The following HPD variants were observed in gnomAD, a reference collection of about 807,000 sequenced individuals.
HPD encodes the protein 4-hydroxyphenylpyruvic acid oxidase.
In HPD, 35 loss-of-function variants were observed where a neutral mutation model predicts 56.9. The observed-to-expected ratio is 0.62, with a 90% CI of 0.47 to 0.82. The LOEUF is 0.82. Ranked by LOEUF, HPD falls within the 40% of genes least tolerant of loss-of-function variation. The pLI, the probability that HPD is intolerant of heterozygous loss-of-function variation, is 0.00. For synonymous variants in HPD, 186 were observed against 200.2 expected (o/e 0.93, Z 0.60); for missense variants, 442 against 506.8 (o/e 0.87, Z 1.23).
chr12:121,875,284 A>G, the HPD span, among the ~76,000 whole-genome samples: 1 of 152,152 alleles, frequency 6.6e-6, no homozygotes, highest in Non-Finnish European at 1.5e-5. Context: ...CCAGATTTAG[A>G]CCAAGGGCCA....
At chr12:121,865,738 C>T (rs1414677860), upstream of HPD, among the ~76,000 whole-genome samples, 1 of 151,586 alleles carries the variant, frequency 6.6e-6, no homozygotes, top group African/African-American at 2.4e-5. Context: ...GCCTGTAATC[C>T]CAGCACTTTG....
chr12:121,850,077 A>AT (rs1877715280), intron 7 of HPD: 3 of 417,620 alleles, frequency 7.2e-6, no homozygotes, highest in Non-Finnish European at 1.4e-5. Context: ...TACTTCATTT[A>AT]TTTCAGTAGG....
intron 9 of HPD, 60 bp downstream of exon 9, chr12:121,848,939 G>A: frequency 1.7e-6 from 2 of 1,207,886 alleles, no homozygotes; most frequent in South Asian, 2.4e-5. Flanking sequence ...ACCAGGGAGT[G>A]GGCCAGTCCA....
At position 121,846,949 on chromosome 12, in the gene HPD, A is replaced by G. The variant is rs949436558; in HGVS notation, c.760-16T>C. On this transcript the variant is annotated splice_polypyrimidine_tract_variant and intron_variant, in intron 10 of 13. Coordinates refer to ENST00000289004, the MANE Select transcript of HPD (RefSeq NM_002150.3). ...CCACATATTCCTGGGGGAGGGAAAC[A>G]AGGAGACCACTGTCATTTGCCCCAT... The G allele has an allele frequency of 1.9e-6, 3 of 1,613,810 alleles. No homozygotes were observed. Among genetic ancestry groups the G allele is most frequent in the Non-Finnish European group, 2.5e-6 (3 of 1,179,874 alleles).
At chr12:121,842,271 G>A (rs1210275871) in intron 12 of HPD, among the ~76,000 whole-genome samples, 2 of 151,384 alleles carry the variant, frequency 1.3e-5, no homozygotes, top group East Asian at 2.0e-4. Flanking sequence ...CTACAGGCAC[G>A]AACCACCATG....
chr12:121,840,667 C>T (rs575979407), intron 12 of HPD, among the ~76,000 whole-genome samples: 1 of 152,070 alleles, frequency 6.6e-6, no homozygotes, highest in Non-Finnish European at 1.5e-5. Context: ...AATCGGAACC[C>T]TCATGTACTG....
chr12:121,848,883 G>A (rs1877671273), intron 9 of HPD, 116 bp downstream of exon 9: 3 of 846,228 alleles, frequency 3.5e-6, no homozygotes, highest in South Asian at 1.3e-5. Flanking sequence ...TGGGATTACG[G>A]GTGTGAGCCA....
At chr12:121,870,030 G>A in the HPD span, among the ~76,000 whole-genome samples, 2 of 151,264 alleles carry the variant, frequency 1.3e-5, no homozygotes, top group Non-Finnish European at 2.9e-5. Context: ...CTTCTGCCTC[G>A]GCCTTCCACA....
At position 121,844,469 on chromosome 12, in the gene HPD, C is replaced by T. The variant is rs536928257; in HGVS notation, c.832-637G>A. On this transcript the variant is annotated intron_variant, in intron 11 of 13. Transcript: ENST00000289004. ...TGAAACGATTAAGGATCTATTAGGC[C>T]GAGTGTGGTGGCTCACGCCTGTAAG... Among the ~76,000 whole-genome samples, 6 of 151,342 alleles carry T rather than the reference C, an allele frequency of 4.0e-5. No individual in the cohort carries two copies. In the South Asian group the frequency reaches 6.4e-4, roughly 16 times the overall value.
At chr12:121,880,817 A>G in the HPD span, among the ~76,000 whole-genome samples, 128,192 of 151,976 alleles carry the variant, frequency 0.84, 54,133 homozygotes, top group Middle Eastern at 0.91. Flanking sequence ...TATTATTTTC[A>G]AGGGTCTCAA....
chr12:121,885,434 T>C, the HPD span, among the ~76,000 whole-genome samples: 4 of 148,096 alleles, frequency 2.7e-5, no homozygotes, highest in Non-Finnish European at 4.5e-5. Flanking sequence ...TCTCTTGACC[T>C]TGTGATCCGC....
At chr12:121,841,620 C>T (rs969777445) in intron 12 of HPD, among the ~76,000 whole-genome samples, 1 of 151,956 alleles carries the variant, frequency 6.6e-6, no homozygotes, top group Non-Finnish European at 1.5e-5. Flanking sequence ...ACACACCCCA[C>T]GCAGATGAAC....
At chr12:121,867,017 C>A (rs899809493), upstream of HPD, among the ~76,000 whole-genome samples, 1 of 152,114 alleles carries the variant, frequency 6.6e-6, no homozygotes, top group Non-Finnish European at 1.5e-5. Context: ...ATGAATCAAG[C>A]AGTATGTAGC....
chr12:121,876,296 G>A, the HPD span, among the ~76,000 whole-genome samples: 7 of 151,342 alleles, frequency 4.6e-5, no homozygotes, highest in Non-Finnish European at 7.4e-5. Context: ...GGGCCACAGC[G>A]AGACTGTGTC....
chr12:121,857,436 A>C lies in HPD; in HGVS notation c.94-4T>G, dbSNP rs753150736. ...TGCTGCAGTAGAATGACGTGGCCTG[A>C]ATCACAGGGTTGCAGCAGGGTTCAT... On this transcript the variant is annotated splice_region_variant and splice_polypyrimidine_tract_variant and intron_variant, in intron 3 of 13. Coordinates refer to ENST00000289004, the MANE Select transcript of HPD (RefSeq NM_002150.3). 5.0e-6 allele frequency: 8 copies of C among 1,600,812 alleles called. No individual in the cohort carries two copies.
rs778898943 is a variant in HPD, at chr12:121,856,419, G to C, written c.242-13C>G. The C allele has an allele frequency of 4.3e-6, 7 of 1,613,136 alleles. No individual in the cohort carries two copies. Among genetic ancestry groups the C allele is most frequent in the Non-Finnish European group, 5.9e-6 (7 of 1,179,100 alleles). On this transcript the variant is annotated splice_polypyrimidine_tract_variant and intron_variant, in intron 5 of 13. Transcript: ENST00000289004. ...TGATCGCCCATCTCTGTGGCCGGCA[G>C]GGAGAGGATGGCACTGGAGTCTGGA... is the stretch of plus-strand genomic sequence containing the variant.
intron 3 of HPD, 72 bp downstream of exon 3, chr12:121,857,685 G>A: frequency 7.6e-7 from 1 of 1,316,104 alleles, no homozygotes; most frequent in Non-Finnish European, 1.1e-6. Flanking sequence ...AGACCCTGCT[G>A]GAGGCCTGCC....
upstream of HPD, among the ~76,000 whole-genome samples, chr12:121,866,777 A>G (rs557498555): frequency 3.1e-4 from 47 of 152,172 alleles, no homozygotes; most frequent in Non-Finnish European, 2.6e-4. Flanking sequence ...AGAACTGTAC[A>G]CTGAAAAGAG....
intron 11 of HPD, among the ~76,000 whole-genome samples, chr12:121,846,606 G>A (rs899373601): frequency 4.6e-5 from 7 of 152,268 alleles, no homozygotes; most frequent in Middle Eastern, 3.4e-3. Context: ...TGGCAGAACC[G>A]GGACCATCAC....
Sources: gnomAD v4.1 joint callset for allele counts (sites outside exome capture counted in the v4.1 genomes callset) on GRCh38, gnomAD v4.1.1 for gene constraint, MANE v1.5 for transcripts, NCBI Gene and HGNC (gene_info 2026-07-23, HGNC 2026-07-21) for gene names.